PLEKHA6: variants seen among roughly 807,000 people sequenced by gnomAD.
The protein encoded by PLEKHA6 is pleckstrin homology domain containing A6.
In PLEKHA6, 60 loss-of-function variants were observed where a neutral mutation model predicts 116.7. The ratio of observed to expected loss-of-function variants is 0.51; its 90% CI spans 0.42 to 0.64. The LOEUF (loss-of-function observed/expected upper bound fraction) is 0.64, where lower values mean the gene tolerates loss of function less well. PLEKHA6 is among the 30% of genes least tolerant of loss of function. The pLI, the probability that PLEKHA6 is intolerant of heterozygous loss-of-function variation, is 0.00. For synonymous variants in PLEKHA6, 489 were observed against 556.1 expected, an observed-to-expected ratio of 0.88 and a Z score of 1.70; for missense variants, 1,338 against 1,422.7, an observed-to-expected ratio of 0.94 and a Z score of 0.96.
chr1:204,275,828 C>T, intron 1 of PLEKHA6: 3 of 421,724 alleles, frequency 7.1e-6, no homozygotes, highest in Non-Finnish European at 9.5e-6. Context: ...AGTTAAGGGC[C>T]TTTTCACCCA....
chr1:204,334,961 ATAT>A (rs1228581849), intron 1 of PLEKHA6, among the ~76,000 whole-genome samples: 1 of 152,090 alleles, frequency 6.6e-6, no homozygotes, highest in African/African-American at 2.4e-5. Context: ...ATTTATTATT[ATAT>A]TATTATTAAC....
rs1161482699 is a variant in PLEKHA6 at position 204,223,693 on chromosome 1, A to G, written c.3032-108T>C. 2.1e-5 allele frequency: 13 copies of G among 634,140 alleles called. No individual in the cohort carries two copies. Among genetic ancestry groups the G allele is most frequent in the Non-Finnish European group, 3.2e-5 (11 of 348,716 alleles). The allele number at this position is 634,140 out of a possible 1,614,324, so 39.3% of individuals were successfully genotyped here. On this transcript the variant is annotated intron_variant, in intron 21 of 22. Transcript: ENST00000272203. The surrounding 1 kb of genome is among the most constrained non-coding windows in gnomAD (Gnocchi z 4.8). ...AGGCAGGGAGTGAGGCAGGGAGGCA[A>G]GCGAAGAGAGAGCACTGAGCTTGGA... is the stretch of plus-strand genomic sequence containing the variant.
intron 3 of PLEKHA6, among the ~76,000 whole-genome samples, chr1:204,273,215 G>A (rs1262057291): frequency 6.6e-6 from 1 of 152,128 alleles, no homozygotes; most frequent in Non-Finnish European, 1.5e-5. Context: ...GGTTCTCAAT[G>A]AGGTTGGGGA....
intron 1 of PLEKHA6, among the ~76,000 whole-genome samples, chr1:204,326,712 C>T (rs373606198): frequency 5.9e-5 from 9 of 152,310 alleles, no homozygotes; most frequent in Admixed American, 3.3e-4. Context: ...AATTAAGAGT[C>T]GGAGGATAAA....
chr1:204,241,888 T>C (rs2102557079), intron 15 of PLEKHA6, 74 bp from the exon 16 acceptor site: 1 of 1,495,828 alleles, frequency 6.7e-7, no homozygotes, highest in African/African-American at 1.4e-5. Flanking sequence ...GATGTTTCTT[T>C]GTTTTTTAAT....
intron 13 of PLEKHA6, 28 bp from the exon 14 acceptor site, chr1:204,245,754 G>C (rs753894063): frequency 3.0e-5 from 45 of 1,501,958 alleles, no homozygotes; most frequent in Non-Finnish European, 4.1e-5. Flanking sequence ...TGAGTCAAAG[G>C]AAATGGCCAT....
At chr1:204,237,935 G>T (rs137885729) in intron 17 of PLEKHA6, among the ~76,000 whole-genome samples, 1 of 152,192 alleles carries the variant, frequency 6.6e-6, no homozygotes. Flanking sequence ...AAATAAATCC[G>T]ACTAAAATTC....
intron 1 of PLEKHA6, among the ~76,000 whole-genome samples, chr1:204,317,573 G>A (rs1028039234): frequency 6.6e-6 from 1 of 152,148 alleles, no homozygotes; most frequent in Non-Finnish European, 1.5e-5. Flanking sequence ...CAAGCCACAC[G>A]GAGGAAGTCT....
intron 1 of PLEKHA6, chr1:204,280,194 C>T: frequency 2.0e-6 from 1 of 511,448 alleles, no homozygotes; most frequent in Non-Finnish European, 2.5e-6. Context: ...ACATCCTCAA[C>T]CCCTACAGTA....
Position 204,249,268 on chromosome 1 carries a change from G to A in PLEKHA6, c.1594-4C>T. On this transcript the variant is annotated splice_polypyrimidine_tract_variant and splice_region_variant and intron_variant, in intron 10 of 22. Coordinates refer to ENST00000272203, the MANE Select transcript of PLEKHA6 (RefSeq NM_014935.5). ...CACACAATTTTCCCAGCAGCTTCTA[G>A]GGACCCAGAGAGTGGAGAAGGAGAG... 1 of 1,605,020 alleles carries A rather than the reference G, an allele frequency of 6.2e-7. No homozygotes were observed. Among genetic ancestry groups the A allele is most frequent in the Non-Finnish European group, 8.5e-7 (1 of 1,171,706 alleles).
At chr1:204,303,720 G>T (rs1436906133) in intron 1 of PLEKHA6, among the ~76,000 whole-genome samples, 1 of 152,082 alleles carries the variant, frequency 6.6e-6, no homozygotes, top group African/African-American at 2.4e-5. Flanking sequence ...TTGGGGTACG[G>T]GGGTGGTGGT....
intron 21 of PLEKHA6, among the ~76,000 whole-genome samples, chr1:204,225,857 A>G (rs1660283409): frequency 6.6e-6 from 1 of 152,238 alleles, no homozygotes; most frequent in South Asian, 2.1e-4. Context: ...ATCTACAAAC[A>G]TGACCAGATC....
At chr1:204,313,566 T>C (rs1671744227) in intron 1 of PLEKHA6, 1 of 984,894 alleles carries the variant, frequency 1.0e-6, no homozygotes, top group Non-Finnish European at 1.2e-6. Context: ...GGCTACTGCT[T>C]CTCTTCTCAG....
intron 1 of PLEKHA6, among the ~76,000 whole-genome samples, chr1:204,327,866 C>G (rs1484024274): frequency 6.6e-6 from 1 of 152,198 alleles, no homozygotes; most frequent in Non-Finnish European, 1.5e-5. Flanking sequence ...TATCAGAGAG[C>G]TGGGATGGCT....
Position 204,220,673 on chromosome 1 carries a change from G to GA in PLEKHA6, c.*2114dup, listed in dbSNP as rs1659548374. ...GGAATGATGTGGAAAATAAGGGAGAGAAAAACAGGCCTGGGCAGGAACTGT... is the reference window on the plus strand; with the variant it reads ...GGAATGATGTGGAAAATAAGGGAGAGAAAAAACAGGCCTGGGCAGGAACTGT... On this transcript the variant is annotated 3_prime_UTR_variant, in exon 23 of 23. Transcript: ENST00000272203. 6.6e-6 allele frequency: 1 copy of GA among 152,480 alleles called. No individual in the cohort carries two copies. The highest frequency in any genetic ancestry group is 2.1e-4 in the South Asian group (1 of 4,822). 9.4% of individuals were successfully genotyped at this position (152,480 alleles called of 1,614,324 possible).
intron 21 of PLEKHA6, among the ~76,000 whole-genome samples, chr1:204,225,007 C>T (rs904375968): frequency 7.9e-5 from 12 of 152,150 alleles, no homozygotes; most frequent in South Asian, 4.1e-4. Flanking sequence ...CTTATTTATA[C>T]GCAATTCTAA....
At chr1:204,365,980 C>G (rs1016410019) in intron 3 of PLEKHA6, among the ~76,000 whole-genome samples, 14 of 152,108 alleles carry the variant, frequency 9.2e-5, no homozygotes, top group Non-Finnish European at 2.1e-4. Context: ...AATGGGAGGA[C>G]AGTGCTCCCA....
chr1:204,347,460 A>T (rs573295705), intron 1 of PLEKHA6, among the ~76,000 whole-genome samples: 1 of 151,460 alleles, frequency 6.6e-6, no homozygotes, highest in African/African-American at 2.4e-5. Flanking sequence ...CATGCTCTAC[A>T]ATTTGTGCAG....
intron 13 of PLEKHA6, among the ~76,000 whole-genome samples, chr1:204,246,922 G>T (rs56080216): frequency 0.019 from 2,894 of 152,278 alleles, 89 homozygotes; most frequent in African/African-American, 0.065. Context: ...GATCACTTGA[G>T]CTCAGGAGTT....
Sources: allele counts gnomAD v4.1 joint callset (sites outside exome capture counted in the v4.1 genomes callset), GRCh38; gene constraint gnomAD v4.1.1; non-coding constraint Gnocchi (gnomAD v3.1); transcripts MANE v1.5; gene names NCBI Gene and HGNC (gene_info 2026-07-23, HGNC 2026-07-21).